Variants in ROR1 observed in about 807,000 individuals in gnomAD.
ROR1 encodes inactive tyrosine-protein kinase transmembrane receptor ROR1.
Under a neutral mutation model 78.8 loss-of-function variants are expected in ROR1, and 19 were observed. That is an observed-to-expected ratio of 0.24 (90% CI 0.17 to 0.35). The LOEUF (loss-of-function observed/expected upper bound fraction) is 0.35. ROR1 is among the 10% of genes least tolerant of loss of function. ROR1 has a pLI of 1.00. For missense variants in ROR1, 917 were observed against 1,177.8 expected (o/e 0.78, Z 3.24); for synonymous variants, 386 against 433.6 (o/e 0.89, Z 1.36).
chr1:64,143,686 G>A (rs1444687146), intron 7 of ROR1, among the ~76,000 whole-genome samples: 6 of 152,186 alleles, frequency 3.9e-5, no homozygotes, highest in Non-Finnish European at 5.9e-5. Context: ...ATGGGGAGAC[G>A]CCAGGGACCC....
At chr1:63,864,047 G>A (rs1434018486) in intron 1 of ROR1, among the ~76,000 whole-genome samples, 2 of 152,104 alleles carry the variant, frequency 1.3e-5, no homozygotes, top group Non-Finnish European at 2.9e-5. Flanking sequence ...TGTGTGATAG[G>A]TAAGTGTTGT....
intron 1 of ROR1, among the ~76,000 whole-genome samples, chr1:63,805,739 G>T (rs1453378000): frequency 6.6e-6 from 1 of 152,230 alleles, no homozygotes; most frequent in Non-Finnish European, 1.5e-5. Flanking sequence ...TACAGGCCGG[G>T]TACAGTGGCT....
At chr1:63,985,044 T>TA in intron 1 of ROR1, among the ~76,000 whole-genome samples, 1 of 152,262 alleles carries the variant, frequency 6.6e-6, no homozygotes, top group East Asian at 1.9e-4. Context: ...GTCATATATA[T>TA]TACTACATAC....
intron 1 of ROR1, among the ~76,000 whole-genome samples, chr1:63,783,061 G>T (rs1193207624): frequency 6.6e-6 from 1 of 152,178 alleles, no homozygotes; most frequent in African/African-American, 2.4e-5. Flanking sequence ...CAGCTGCTCT[G>T]GGGGTCTCCA....
chr1:64,128,363 G>T (rs899357084), intron 4 of ROR1, among the ~76,000 whole-genome samples: 1 of 151,630 alleles, frequency 6.6e-6, no homozygotes, highest in African/African-American at 2.4e-5. Flanking sequence ...CAGCTACTCA[G>T]GAGGCTAAGG....
At chr1:64,170,988 G>C (rs1186676585) in intron 8 of ROR1, among the ~76,000 whole-genome samples, 1 of 152,134 alleles carries the variant, frequency 6.6e-6, no homozygotes, top group Non-Finnish European at 1.5e-5. Context: ...CAAGTCTCCA[G>C]GGAGTTCCAA....
chr1:64,014,382 G>A (rs887338874), intron 2 of ROR1, among the ~76,000 whole-genome samples: 12 of 151,898 alleles, frequency 7.9e-5, no homozygotes, highest in African/African-American at 2.4e-4. Context: ...TGGAAGAGCC[G>A]CTGAAAGCTA....
chr1:63,886,545 A>G (rs1645358588), intron 1 of ROR1, among the ~76,000 whole-genome samples: 3 of 152,214 alleles, frequency 2.0e-5, no homozygotes, highest in Middle Eastern at 3.4e-3. Flanking sequence ...AAGGAGTCAC[A>G]TGGCTGGTGA....
At chr1:63,829,266 A>G (rs999717852) in intron 1 of ROR1, among the ~76,000 whole-genome samples, 25 of 152,352 alleles carry the variant, frequency 1.6e-4, no homozygotes, top group African/African-American at 5.0e-4. Context: ...CTTTTATGCT[A>G]TGTGTTATGC....
rs553499758 is a variant in ROR1 at position 64,164,720 on chromosome 1, T to C, written c.1386+5528T>C. On this transcript the variant is annotated intron_variant, in intron 8 of 8. Coordinates refer to ENST00000371079, the MANE Select transcript of ROR1 (RefSeq NM_005012.4). Reference sequence around the variant, plus strand: ...CCCAGGTATTAAGCCCAGTACTCATTAGTTATTTTTCCTGATCCTCTCCCT... The same window carrying C: ...CCCAGGTATTAAGCCCAGTACTCATCAGTTATTTTTCCTGATCCTCTCCCT... Among the ~76,000 whole-genome samples the C allele has an allele frequency of 2.4e-4, 36 of 152,200 alleles. 2 individuals are homozygous for C. The South Asian group carries it at 6.9e-3, about 29-fold the overall frequency.
intron 1 of ROR1, among the ~76,000 whole-genome samples, chr1:64,002,278 C>A (rs1646390786): frequency 6.6e-6 from 1 of 151,994 alleles, no homozygotes; most frequent in Non-Finnish European, 1.5e-5. Context: ...GGATTACAGG[C>A]ATGCACCACC....
intron 1 of ROR1, among the ~76,000 whole-genome samples, chr1:63,952,533 C>T (rs960079425): frequency 2.6e-5 from 4 of 152,064 alleles, no homozygotes; most frequent in Admixed American, 6.5e-5. Flanking sequence ...CACTGCAGGG[C>T]CCCAGGCATG....
chr1:64,144,822 T>C (rs913138871), intron 7 of ROR1, among the ~76,000 whole-genome samples: 2 of 152,136 alleles, frequency 1.3e-5, no homozygotes, highest in African/African-American at 4.8e-5. Flanking sequence ...AATAAATATA[T>C]AGTTTGTAGT....
At chr1:64,042,656 T>C (rs950583895) in intron 2 of ROR1, among the ~76,000 whole-genome samples, 2 of 152,208 alleles carry the variant, frequency 1.3e-5, no homozygotes, top group African/African-American at 4.8e-5. Flanking sequence ...CTGTATCAGA[T>C]AATGAACTGT....
At chr1:63,874,201 T>G (rs1311029140) in intron 1 of ROR1, among the ~76,000 whole-genome samples, 1 of 152,218 alleles carries the variant, frequency 6.6e-6, no homozygotes, top group Non-Finnish European at 1.5e-5. Flanking sequence ...CCTGCATAAT[T>G]ACTCTCTTGT....
chr1:63,990,903 G>A (rs1646290428), intron 1 of ROR1, among the ~76,000 whole-genome samples: 2 of 152,226 alleles, frequency 1.3e-5, no homozygotes, highest in African/African-American at 2.4e-5. Context: ...ATAGTTGAAA[G>A]GCATATTAAA....
intron 1 of ROR1, among the ~76,000 whole-genome samples, chr1:63,912,663 C>G (rs565385979): frequency 6.6e-6 from 1 of 152,206 alleles, no homozygotes; most frequent in Non-Finnish European, 1.5e-5. Flanking sequence ...GGAGTTGTAT[C>G]CTTGACACTG....
chr1:64,083,595 G>GAAAA (rs1241939075), intron 4 of ROR1, among the ~76,000 whole-genome samples: 6 of 118,954 alleles, frequency 5.0e-5, no homozygotes, highest in Admixed American at 8.7e-5. Context: ...GAGAGAGAGA[G>GAAAA]AAAAAAAAAA....
At chr1:63,978,735 G>A (rs1646183754) in intron 1 of ROR1, among the ~76,000 whole-genome samples, 1 of 152,128 alleles carries the variant, frequency 6.6e-6, no homozygotes. Flanking sequence ...GTGATAGCTG[G>A]GAATTGGAGA....
Sources: allele counts gnomAD v4.1 joint callset (sites outside exome capture counted in the v4.1 genomes callset), GRCh38; gene constraint gnomAD v4.1.1; transcripts MANE v1.5; gene names NCBI Gene and HGNC (gene_info 2026-07-23, HGNC 2026-07-21).